Variants in USP53 observed in about 807,000 individuals in gnomAD.
USP53 encodes ubiquitin carboxyl-terminal hydrolase 53.
USP53 carries 71 observed loss-of-function variants against 94.9 expected under a neutral mutation model. The observed-to-expected ratio is 0.75, with a 90% CI of 0.62 to 0.91. The LOEUF is 0.91. USP53 is among the 40% of genes least tolerant of loss of function. The pLI is 0.00. For synonymous variants in USP53, 375 were observed against 422.7 expected, an observed-to-expected ratio of 0.89 and a Z score of 1.39; for missense variants, 1,173 against 1,281.0, an observed-to-expected ratio of 0.92 and a Z score of 1.29.
At chr4:119,273,306 G>GTCCT (rs1227468932) in intron 16 of USP53, 1 of 139,598 alleles carries the variant, frequency 7.2e-6, no homozygotes, top group African/African-American at 2.9e-5. Context: ...AGAGCAAAAG[G>GTCCT]TCCTGGCTCA....
At chr4:119,222,345 T>C (rs529180025) in intron 3 of USP53, among the ~76,000 whole-genome samples, 5 of 152,206 alleles carry the variant, frequency 3.3e-5, no homozygotes, top group Non-Finnish European at 7.3e-5. Context: ...TTTTGAAATA[T>C]ACAATACATT....
At chr4:119,282,414 C>A (rs556403478) in intron 17 of USP53, among the ~76,000 whole-genome samples, 1 of 152,066 alleles carries the variant, frequency 6.6e-6, no homozygotes, top group Non-Finnish European at 1.5e-5. Context: ...AGCAGCTGCA[C>A]CATTTTACAT....
intron 3 of USP53, among the ~76,000 whole-genome samples, chr4:119,229,622 G>A (rs1035629650): frequency 2.6e-5 from 4 of 152,082 alleles, no homozygotes; most frequent in African/African-American, 9.7e-5. Context: ...AGGTTTTGTG[G>A]ACTTTACTTC....
In USP53 at chr4:119,258,073, C is replaced by T. The variant is rs191793616; in HGVS notation, c.569+1550C>T. On this transcript the variant is annotated intron_variant, in intron 9 of 18. Coordinates refer to ENST00000692078, the MANE Select transcript of USP53 (RefSeq NM_001371395.1). ...TGAATACCAGTTACTGAATGCTTACCATGTTCCAGGCTTTATGTTAAGTTG... is the reference window on the plus strand; with the variant it reads ...TGAATACCAGTTACTGAATGCTTACTATGTTCCAGGCTTTATGTTAAGTTG... 5.0e-3 allele frequency among the ~76,000 whole-genome samples: 758 copies of T among 152,206 alleles called. 21 individuals carry two copies. Among genetic ancestry groups the T allele is most frequent in the Admixed American group, 0.045 (683 of 15,272 alleles).
chr4:119,251,247 T>G (rs1378759257), intron 7 of USP53, among the ~76,000 whole-genome samples: 1 of 152,222 alleles, frequency 6.6e-6, no homozygotes, highest in Non-Finnish European at 1.5e-5. Context: ...TCCTTTTTTG[T>G]GGCTGCATAG....
At chr4:119,279,699 C>T (rs1362011000) in intron 17 of USP53, among the ~76,000 whole-genome samples, 2 of 152,170 alleles carry the variant, frequency 1.3e-5, no homozygotes, top group Non-Finnish European at 2.9e-5. Context: ...CCTCCCCCAG[C>T]CTCGCTGTCG....
intron 4 of USP53, among the ~76,000 whole-genome samples, chr4:119,235,948 C>T (rs1287047421): frequency 6.6e-6 from 1 of 152,226 alleles, no homozygotes; most frequent in Non-Finnish European, 1.5e-5. Context: ...TTCTGGTACA[C>T]TCTACAATTT....
intron 5 of USP53, among the ~76,000 whole-genome samples, chr4:119,240,306 T>A (rs1747348122): frequency 6.6e-6 from 1 of 152,154 alleles, no homozygotes; most frequent in Non-Finnish European, 1.5e-5. Context: ...AGTTTTTGAT[T>A]TCAGTACTCA....
At chr4:119,264,064 AAAAC>A (rs1317883186) in intron 12 of USP53, among the ~76,000 whole-genome samples, 8 of 152,192 alleles carry the variant, frequency 5.3e-5, no homozygotes, top group South Asian at 2.1e-4. Flanking sequence ...ACTCCGTCTC[AAAAC>A]AAACAAACAA....
At chr4:119,238,433 A>G (rs1747076959) in intron 4 of USP53, among the ~76,000 whole-genome samples, 1 of 152,212 alleles carries the variant, frequency 6.6e-6, no homozygotes, top group Non-Finnish European at 1.5e-5. Flanking sequence ...TATGCTTGCT[A>G]TCGTATATGG....
rs1751796320 is a variant in USP53 at position 119,271,117 on chromosome 4, T to G, written c.1436-179T>G. On this transcript the variant is annotated intron_variant, in intron 15 of 18. Transcript: ENST00000692078. ...AAGTTTCTTTTACAAATACCCCTCA[T>G]TAAGCATACACAAGGACTGGAAAAT... The G allele has an allele frequency of 5.8e-6, 4 of 689,920 alleles. No homozygotes were observed. In the African/African-American group the frequency reaches 7.8e-5, roughly 13 times the overall value. 42.7% of individuals were successfully genotyped at this position (689,920 alleles called of 1,614,324 possible).
chr4:119,219,916 C>G (rs1357034918), intron 3 of USP53: 1 of 152,028 alleles, frequency 6.6e-6, no homozygotes. Context: ...CTTTTCTTTT[C>G]TTTCTGTCTC....
chr4:119,227,300 A>ACACACAC (rs1442892298), intron 3 of USP53, among the ~76,000 whole-genome samples: 33 of 43,920 alleles, frequency 7.5e-4, no homozygotes, highest in African/African-American at 1.7e-3. Context: ...CACACACACA[A>ACACACAC]ACTTGAAATG....
intron 18 of USP53, 107 bp downstream of exon 18, chr4:119,291,368 G>T: frequency 1.8e-6 from 1 of 559,884 alleles, no homozygotes; most frequent in Non-Finnish European, 3.0e-6. Flanking sequence ...ATAGTATTGA[G>T]ATGCCTTTCT....
Position 119,260,566 on chromosome 4 carries a change from T to TA in USP53, c.736dup (p.Thr246AsnfsTer12). On this transcript the variant is annotated frameshift_variant, in exon 11 of 19. Coordinates refer to ENST00000692078, the MANE Select transcript of USP53 (RefSeq NM_001371395.1). LOFTEE classifies it high-confidence loss of function. ...TTTTAATGAATTGCCCAGAGATTGT[T>TA]ACAATTGGTTTAGTCTGGGACTCCG... 1 of 1,614,068 alleles carries TA rather than the reference T, an allele frequency of 6.2e-7. No individual in the cohort carries two copies. Among genetic ancestry groups the TA allele is most frequent in the Non-Finnish European group, 8.5e-7 (1 of 1,179,970 alleles).
chr4:119,272,075 C>G (rs200480154), intron 16 of USP53, 41 bp downstream of exon 16: 44 of 1,516,988 alleles, frequency 2.9e-5, no homozygotes, highest in Non-Finnish European at 3.8e-5. Flanking sequence ...CATCACTCTT[C>G]TTTTTTGTTA....
intron 17 of USP53, among the ~76,000 whole-genome samples, chr4:119,287,844 T>G (rs1578579202): frequency 6.6e-6 from 1 of 152,318 alleles, no homozygotes; most frequent in African/African-American, 2.4e-5. Flanking sequence ...TGCAGTGGCA[T>G]GAGCACTAGC....
intron 1 of USP53, among the ~76,000 whole-genome samples, chr4:119,213,670 G>GTA (rs1561164753): frequency 8.3e-6 from 1 of 120,502 alleles, no homozygotes; most frequent in African/African-American, 3.9e-5. Context: ...ATGTGTGTGT[G>GTA]TGTATGTATG....
In USP53 at chr4:119,279,202, C is replaced by T. The variant is rs1181592288; in HGVS notation, c.2251+5494C>T. On this transcript the variant is annotated intron_variant, in intron 17 of 18. Transcript: ENST00000692078. ...CTGCGTTTTAGAGTTTCCAGTTTTT[C>T]TGTTCTGTTTTTTCCCCATCTTTGT... Among the ~76,000 whole-genome samples, 855 of 133,308 alleles carry T rather than the reference C, an allele frequency of 6.4e-3. 8 individuals are homozygous for T. The highest frequency in any genetic ancestry group is 0.023 in the African/African-American group (812 of 35,442). 87.5% of individuals were successfully genotyped at this position (133,308 alleles called of 152,430 possible).
Sources: gnomAD v4.1 joint callset for allele counts (sites outside exome capture counted in the v4.1 genomes callset) on GRCh38, gnomAD v4.1.1 for gene constraint, MANE v1.5 for transcripts, NCBI Gene and HGNC (gene_info 2026-07-23, HGNC 2026-07-21) for gene names.